Variants in MKLN1 observed in about 807,000 individuals in gnomAD.
The protein encoded by MKLN1 is muskelin 1.
MKLN1 carries 18 observed loss-of-function variants against 99.0 expected under a neutral mutation model. The ratio of observed to expected loss-of-function variants is 0.18; its 90% CI spans 0.13 to 0.27. The LOEUF (loss-of-function observed/expected upper bound fraction) is 0.27. MKLN1 is among the 10% of genes least tolerant of loss of function. The pLI, the probability that MKLN1 is intolerant of heterozygous loss-of-function variation, is 1.00. For missense variants in MKLN1, 621 were observed against 875.9 expected (o/e 0.71, Z 3.67); for synonymous variants, 288 against 293.2 (o/e 0.98, Z 0.18).
chr7:131,353,865 G>A (rs1799792496), intron 1 of MKLN1, among the ~76,000 whole-genome samples: 1 of 140,106 alleles, frequency 7.1e-6, no homozygotes, highest in African/African-American at 2.7e-5. Context: ...TTGTTGAAAA[G>A]GCTATTCTTC....
chr7:131,375,194 C>G (rs550530576), intron 1 of MKLN1, among the ~76,000 whole-genome samples: 1 of 152,056 alleles, frequency 6.6e-6, no homozygotes, highest in Non-Finnish European at 1.5e-5. Context: ...ACAAAAGTGC[C>G]TTATGAAAAG....
At chr7:131,473,023 A>C (rs1249394058) in intron 16 of MKLN1, among the ~76,000 whole-genome samples, 1 of 152,050 alleles carries the variant, frequency 6.6e-6, no homozygotes, top group Non-Finnish European at 1.5e-5. Context: ...CTTAAAGAAC[A>C]GAAAATAGAA....
At chr7:131,476,738 A>G (rs976154654) in intron 16 of MKLN1, among the ~76,000 whole-genome samples, 2 of 152,230 alleles carry the variant, frequency 1.3e-5, no homozygotes, top group Admixed American at 6.5e-5. Flanking sequence ...TAGACAAACT[A>G]CTATAAAATT....
chr7:131,355,030 G>A (rs1441332422), intron 1 of MKLN1, among the ~76,000 whole-genome samples: 1 of 151,968 alleles, frequency 6.6e-6, no homozygotes, highest in Non-Finnish European at 1.5e-5. Context: ...ATCCTACTGC[G>A]TGGCCTCCCA....
At chr7:131,125,086 A>T (rs922903605) in intron 1 of MKLN1, among the ~76,000 whole-genome samples, 4 of 152,154 alleles carry the variant, frequency 2.6e-5, no homozygotes, top group Non-Finnish European at 5.9e-5. Flanking sequence ...AACTACTCCT[A>T]GCATGCCTTG....
At chr7:131,438,164 AT>A (rs1795728103) in intron 10 of MKLN1, among the ~76,000 whole-genome samples, 167 bp downstream of exon 10, 1 of 152,148 alleles carries the variant, frequency 6.6e-6, no homozygotes, top group East Asian at 1.9e-4. Context: ...TATTCTTTAA[AT>A]TTTTTTCTCT....
chr7:131,458,382 G>A (rs1316108507), intron 12 of MKLN1, among the ~76,000 whole-genome samples: 1 of 152,156 alleles, frequency 6.6e-6, no homozygotes, highest in Admixed American at 6.5e-5. Context: ...AATGCTAGAA[G>A]TATGTGATAA....
chr7:131,445,063 C>T (rs777863457), intron 11 of MKLN1, among the ~76,000 whole-genome samples: 1 of 152,014 alleles, frequency 6.6e-6, no homozygotes, highest in Non-Finnish European at 1.5e-5. Context: ...TGCTGTTTAA[C>T]GTTGCTTTCT....
At chr7:131,143,983 A>T (rs1425464209) in intron 2 of MKLN1, among the ~76,000 whole-genome samples, 1 of 152,208 alleles carries the variant, frequency 6.6e-6, no homozygotes, top group Non-Finnish European at 1.5e-5. Context: ...ACCCCACTGC[A>T]TCCCCACTGT....
Position 131,197,380 on chromosome 7 carries a change from TA to T in MKLN1, c.-296-5476del, listed in dbSNP as rs1453368942. 6.7e-4 allele frequency among the ~76,000 whole-genome samples: 5 copies of T among 7,488 alleles called. No homozygotes were observed. In the East Asian group the frequency reaches 0.027, roughly 40 times the overall value. 4.9% of individuals were successfully genotyped at this position (7,488 alleles called of 152,430 possible). On this transcript the variant is annotated intron_variant, in intron 2 of 7. Transcript: ENST00000416992. The stretch of plus-strand genomic sequence containing the variant: ...CACCATGCCCAGTTAATTAAAATTT[TA>T]TTATTATTATTATTATTATTATTAT...
intron 6 of MKLN1, among the ~76,000 whole-genome samples, chr7:131,409,235 C>A (rs998639122): frequency 2.0e-5 from 3 of 152,120 alleles, no homozygotes; most frequent in Non-Finnish European, 4.4e-5. Flanking sequence ...AATTATATAT[C>A]TAAAGCAAGC....
At chr7:131,378,791 C>T (rs1223152067) in intron 2 of MKLN1, among the ~76,000 whole-genome samples, 1 of 151,984 alleles carries the variant, frequency 6.6e-6, no homozygotes, top group African/African-American at 2.4e-5. Context: ...GATCATGCCA[C>T]TGCACTCCAG....
At chr7:131,200,711 A>G (rs982528457) in intron 2 of MKLN1, among the ~76,000 whole-genome samples, 11 of 152,238 alleles carry the variant, frequency 7.2e-5, no homozygotes, top group Admixed American at 2.6e-4. Flanking sequence ...GTATTAGCAC[A>G]TTGGACTACC....
chr7:131,297,684 A>C (rs1798313689), intron 3 of MKLN1, among the ~76,000 whole-genome samples: 1 of 152,180 alleles, frequency 6.6e-6, no homozygotes, highest in Admixed American at 6.5e-5. Flanking sequence ...TCAAAATGTC[A>C]ATCAGTGCTC....
chr7:131,271,207 T>G (rs1420974672), intron 3 of MKLN1, among the ~76,000 whole-genome samples: 1 of 152,078 alleles, frequency 6.6e-6, no homozygotes, highest in African/African-American at 2.4e-5. Context: ...TCTGCCTACC[T>G]AGGTCAGGGA....
At position 131,173,779 on chromosome 7, in the gene MKLN1, C is replaced by T. The variant is rs547928749; in HGVS notation, c.-296-29078C>T. 4.6e-5 allele frequency among the ~76,000 whole-genome samples: 7 copies of T among 151,948 alleles called. No homozygotes were observed. In the South Asian group the frequency reaches 1.2e-3, roughly 27 times the overall value. ...TTTCAGCTGACTCGGTGCTGCTCCA[C>T]GAGGAGCAGCTTAAAAAAACAAAAA... On this transcript the variant is annotated intron_variant, in intron 2 of 7. Coordinates refer to the MKLN1 transcript ENST00000416992.
chr7:131,452,514 A>G (rs1196679678), intron 12 of MKLN1, among the ~76,000 whole-genome samples: 3 of 148,362 alleles, frequency 2.0e-5, no homozygotes, highest in African/African-American at 5.0e-5. Context: ...TAGTATGGTC[A>G]TAACTCTTTA....
intron 1 of MKLN1, among the ~76,000 whole-genome samples, chr7:131,132,987 AGAG>A (rs2116231954): frequency 1.4e-5 from 2 of 144,752 alleles, no homozygotes; most frequent in South Asian, 4.7e-4. Context: ...AAGAAAAACC[AGAG>A]CATGACTGTG....
At chr7:131,485,973 A>G (rs1441332532) in intron 17 of MKLN1, among the ~76,000 whole-genome samples, 1 of 152,042 alleles carries the variant, frequency 6.6e-6, no homozygotes, top group Non-Finnish European at 1.5e-5. Flanking sequence ...TATATTGGTT[A>G]TGTAAGTTAA....
Sources: gnomAD v4.1 joint callset for allele counts (sites outside exome capture counted in the v4.1 genomes callset) on GRCh38, gnomAD v4.1.1 for gene constraint, MANE v1.5 for transcripts, NCBI Gene and HGNC (gene_info 2026-07-23, HGNC 2026-07-21) for gene names.